The following PRRX1 variants were observed in gnomAD, a reference collection of about 807,000 sequenced individuals.
PRRX1 encodes the protein paired related homeobox 1.
Under a neutral mutation model 24.0 loss-of-function variants are expected in PRRX1, and 8 were observed. The ratio of observed to expected loss-of-function variants is 0.33; its 90% CI spans 0.20 to 0.60. The LOEUF (loss-of-function observed/expected upper bound fraction) is 0.60. Among genes scored for constraint, PRRX1 ranks in the 20% least tolerant of loss-of-function variants. PRRX1 has a pLI of 0.82. For missense variants in PRRX1, 281 were observed against 322.4 expected (o/e 0.87, Z 0.98); for synonymous variants, 160 against 131.7 (o/e 1.22, Z -1.47).
rs561397699 is a variant in PRRX1 at position 170,707,145 on chromosome 1, G to GA, written c.242-12571dup. 8.1e-3 allele frequency among the ~76,000 whole-genome samples: 1,185 copies of GA among 145,732 alleles called. 9 individuals are homozygous for GA. Among genetic ancestry groups the GA allele is most frequent in the African/African-American group, 0.027 (1,070 of 39,738 alleles). On this transcript the variant is annotated intron_variant, in intron 1 of 3. Transcript: ENST00000239461. ...TCCTTAAAAAAAGGAAAAAGAAAAA[G>GA]AAAAAAAAAATACCTGGATGTCTCT...
At chr1:170,696,605 G>A (rs576014630) in intron 1 of PRRX1, among the ~76,000 whole-genome samples, 1 of 152,220 alleles carries the variant, frequency 6.6e-6, no homozygotes, top group Admixed American at 6.5e-5. Flanking sequence ...TTATTTACAT[G>A]CAAATTACTT....
At position 170,664,419 on chromosome 1, in the gene PRRX1, G is replaced by T. The variant is rs1005904543; in HGVS notation, c.201G>T (p.Ser67=). The T allele has an allele frequency of 6.2e-7, 1 of 1,610,230 alleles. No individual in the cohort carries two copies. Among genetic ancestry groups the T allele is most frequent in the African/African-American group, 1.3e-5 (1 of 74,880 alleles). ...AGGCTGGCCGGAGCCTGCTGGAGTC[G>T]CCGGGACTCACCAGCGGCAGCGACA... The part of the protein sequence containing the change: ...VGEAGRSLLE[S]PGLTSGSDTP... The change falls in exon 1 of 4, where the codon TCG becomes TCT. Residue 67 remains serine (S), a synonymous_variant. Coordinates refer to ENST00000239461, the MANE Select transcript of PRRX1 (RefSeq NM_022716.4).
chr1:170,714,172 T>A (rs934787849), intron 1 of PRRX1, among the ~76,000 whole-genome samples: 2 of 152,222 alleles, frequency 1.3e-5, no homozygotes, highest in African/African-American at 4.8e-5. Context: ...GAAACTCAAA[T>A]GAATGCCACA....
Position 170,664,276 on chromosome 1 carries a change from G to C in PRRX1, c.58G>C (p.Asp20His). 6 of 1,613,188 alleles carry C rather than the reference G, an allele frequency of 3.7e-6. No individual in the cohort carries two copies. Among genetic ancestry groups the C allele is most frequent in the Non-Finnish European group, 5.1e-6 (6 of 1,179,748 alleles). Reference sequence around the variant, plus strand: ...GCAACCGGCGCTGGGCGGCCGCTTGGACAGCCCGGGCAACCTCGACACCCT... The same window carrying C: ...GCAACCGGCGCTGGGCGGCCGCTTGCACAGCCCGGGCAACCTCGACACCCT... ...ERQPALGGRL[D>H]SPGNLDTLQA... The change falls in exon 1 of 4, where the codon GAC becomes CAC. Residue 20 changes from aspartate (D) to histidine (H), a missense_variant. Physicochemically the swap from Asp to His is moderately conservative, Grantham distance 81. Coordinates refer to ENST00000239461, the MANE Select transcript of PRRX1 (RefSeq NM_022716.4).
intron 1 of PRRX1, among the ~76,000 whole-genome samples, chr1:170,692,111 A>C (rs1654003987): frequency 6.6e-6 from 1 of 152,110 alleles, no homozygotes; most frequent in African/African-American, 2.4e-5. Flanking sequence ...TCATGCCATG[A>C]GAGAGGAGCC....
At chr1:170,729,870 G>C (rs373617312) in intron 3 of PRRX1, among the ~76,000 whole-genome samples, 2 of 152,254 alleles carry the variant, frequency 1.3e-5, no homozygotes, top group African/African-American at 4.8e-5. Flanking sequence ...TTTTTCTTAG[G>C]CAACTTGTAA....
At chr1:170,717,428 C>T (rs1654938689) in intron 1 of PRRX1, among the ~76,000 whole-genome samples, 1 of 152,084 alleles carries the variant, frequency 6.6e-6, no homozygotes, top group African/African-American at 2.4e-5. Flanking sequence ...AAGAAATAGG[C>T]TTTTGAAACA....
chr1:170,675,530 A>G (rs1653291035), intron 1 of PRRX1, among the ~76,000 whole-genome samples: 11 of 152,158 alleles, frequency 7.2e-5, no homozygotes, highest in African/African-American at 2.7e-4. Flanking sequence ...ATATAAAGGT[A>G]TTTCTTTATA....
upstream of PRRX1, chr1:170,663,623 G>A (rs919522132): frequency 2.0e-5 from 3 of 152,220 alleles, no homozygotes; most frequent in East Asian, 5.8e-4. Context: ...GTGCAGAGAG[G>A]GGGGAACACG....
In PRRX1 at chr1:170,729,914, A is replaced by C. The variant is rs556693163; in HGVS notation, c.599+3513A>C. Among the ~76,000 whole-genome samples, 3 of 152,374 alleles carry C rather than the reference A, an allele frequency of 2.0e-5. No homozygotes were observed. In the East Asian group the frequency reaches 5.8e-4, roughly 29 times the overall value. On this transcript the variant is annotated intron_variant, in intron 3 of 3. Transcript: ENST00000239461. ...GCACACACAAGCACCAGAATTATTC[A>C]GACTCACTAATCTTGCAGTGCTTTG...
intron 1 of PRRX1, among the ~76,000 whole-genome samples, chr1:170,711,760 C>A (rs1031422547): frequency 1.3e-5 from 2 of 152,150 alleles, no homozygotes; most frequent in Non-Finnish European, 2.9e-5. Context: ...ATGCCTCATC[C>A]TCAGCTCTGT....
intron 1 of PRRX1, among the ~76,000 whole-genome samples, chr1:170,665,449 C>T (rs1461363034): frequency 6.6e-6 from 1 of 152,230 alleles, no homozygotes; most frequent in African/African-American, 2.4e-5. Flanking sequence ...CAGATATGTA[C>T]AGATACTCCC....
At chr1:170,696,058 T>C (rs1490245308) in intron 1 of PRRX1, among the ~76,000 whole-genome samples, 1 of 152,154 alleles carries the variant, frequency 6.6e-6, no homozygotes, top group African/African-American at 2.4e-5. Context: ...CAAAGACCAG[T>C]ACAGAAAAAG....
chr1:170,734,456 T>C (rs993316833), intron 3 of PRRX1, among the ~76,000 whole-genome samples: 7 of 152,250 alleles, frequency 4.6e-5, no homozygotes, highest in African/African-American at 1.7e-4. Flanking sequence ...TGATAGATAC[T>C]AAACAAATTA....
intron 1 of PRRX1, among the ~76,000 whole-genome samples, chr1:170,708,329 T>A (rs1190239260): frequency 1.3e-5 from 2 of 152,154 alleles, no homozygotes; most frequent in African/African-American, 4.8e-5. Flanking sequence ...GTAACTTTTT[T>A]TTTTCTCATA....
intron 1 of PRRX1, among the ~76,000 whole-genome samples, chr1:170,702,247 G>C (rs1194570973): frequency 2.6e-5 from 4 of 152,152 alleles, no homozygotes; most frequent in African/African-American, 7.2e-5. Flanking sequence ...TTCCTATCAG[G>C]CCACGGACTG....
intron 1 of PRRX1, among the ~76,000 whole-genome samples, chr1:170,666,998 A>G (rs2101881377): frequency 6.6e-6 from 1 of 152,228 alleles, no homozygotes; most frequent in Admixed American, 6.5e-5. Flanking sequence ...TGGAGTCCTC[A>G]GGAGCGCTCG....
At chr1:170,698,892 GC>G (rs34358173) in intron 1 of PRRX1, among the ~76,000 whole-genome samples, 1 of 152,088 alleles carries the variant, frequency 6.6e-6, no homozygotes, top group Non-Finnish European at 1.5e-5. Context: ...TGGAGAAGGG[GC>G]CCCGGGCTAT....
At chr1:170,717,729 T>C (rs1654953137) in intron 1 of PRRX1, among the ~76,000 whole-genome samples, 1 of 152,010 alleles carries the variant, frequency 6.6e-6, no homozygotes, top group Non-Finnish European at 1.5e-5. Context: ...GAAAAATGAA[T>C]AGGAATGGGA....
Sources: gnomAD v4.1 joint callset for allele counts (sites outside exome capture counted in the v4.1 genomes callset) on GRCh38, gnomAD v4.1.1 for gene constraint, MANE v1.5 for transcripts, NCBI Gene and HGNC (gene_info 2026-07-23, HGNC 2026-07-21) for gene names.